AGO1: variants seen among roughly 807,000 people sequenced by gnomAD.
The protein encoded by AGO1 is protein argonaute-1.
Under a neutral mutation model 109.2 loss-of-function variants are expected in AGO1, and 11 were observed. The observed-to-expected ratio is 0.10, with a 90% confidence interval of 0.06 to 0.17. The LOEUF is 0.17. Ranked by LOEUF, AGO1 falls within the 10% of genes least tolerant of loss-of-function variation. The pLI is 1.00. For missense variants in AGO1, 574 were observed against 1,140.3 expected, an observed-to-expected ratio of 0.50 and a Z score of 7.15; for synonymous variants, 422 against 418.6, an observed-to-expected ratio of 1.01 and a Z score of -0.10.
intron 14 of AGO1, 69 bp from the exon 15 acceptor site, chr1:35,915,279 T>G: frequency 6.9e-7 from 1 of 1,451,238 alleles, no homozygotes; most frequent in East Asian, 2.3e-5. Flanking sequence ...AAGAAGCCTT[T>G]CCACAAACCC....
intron 1 of AGO1, among the ~76,000 whole-genome samples, chr1:35,870,714 A>G (rs1644943044): frequency 6.6e-6 from 1 of 152,158 alleles, no homozygotes; most frequent in Non-Finnish European, 1.5e-5. Flanking sequence ...ATCTTTTGAG[A>G]TATTCTGTGT....
chr1:35,922,326 A>T lies in AGO1; in HGVS notation c.*2719A>T, dbSNP rs1645847305. 1 of 152,476 alleles carries T rather than the reference A, an allele frequency of 6.6e-6. No homozygotes were observed. Among genetic ancestry groups the T allele is most frequent in the Admixed American group, 6.5e-5 (1 of 15,290 alleles). 9.4% of individuals were successfully genotyped at this position (152,476 alleles called of 1,614,324 possible). A position where few individuals can be genotyped will look rare whatever the true frequency, so the allele number is the denominator to read the frequency against. On this transcript the variant is annotated 3_prime_UTR_variant, in exon 19 of 19. Transcript: ENST00000373204. The stretch of plus-strand genomic sequence containing the variant: ...TAAAAAGATAATTTTTGAGACTTGA[A>T]AAATACCCCGACCTTGAGATTATTC...
chr1:35,896,342 G>A (rs1354935243), intron 8 of AGO1, among the ~76,000 whole-genome samples: 3 of 151,206 alleles, frequency 2.0e-5, no homozygotes, highest in African/African-American at 4.9e-5. Flanking sequence ...GTACATTAAC[G>A]TTGGAGAAGC....
intron 15 of AGO1, among the ~76,000 whole-genome samples, chr1:35,915,868 C>T (rs1478166107): frequency 6.6e-6 from 1 of 152,108 alleles, no homozygotes; most frequent in Non-Finnish European, 1.5e-5. Flanking sequence ...AGGGCTCTAC[C>T]CTTAGAGTTT....
rs752194420 is a variant in AGO1, at chr1:35,917,736, G to T, written c.2163+9G>T. The T allele has an allele frequency of 6.2e-7, 1 of 1,610,482 alleles. No homozygotes were observed. The highest frequency in any genetic ancestry group is 8.5e-7 in the Non-Finnish European group (1 of 1,177,200). Reference sequence around the variant, plus strand: ...CTGACAAGAATGAGCGAGTGAGTGAGGGACTGAGGCCTCCCATCCCCTCCT... The same window carrying T: ...CTGACAAGAATGAGCGAGTGAGTGATGGACTGAGGCCTCCCATCCCCTCCT... On this transcript the variant is annotated intron_variant, in intron 16 of 18. Transcript: ENST00000373204.
rs1274900715 is a variant in AGO1 at position 35,927,022 on chromosome 1, A to G, written c.*7415A>G. 2 of 136,868 alleles carry G rather than the reference A, an allele frequency of 1.5e-5. No homozygotes were observed. Among genetic ancestry groups the G allele is most frequent in the Non-Finnish European group, 3.1e-5 (2 of 64,488 alleles). 8.5% of individuals were successfully genotyped at this position (136,868 alleles called of 1,614,324 possible). A position where few individuals can be genotyped will look rare whatever the true frequency, so the allele number is the denominator to read the frequency against. ...AGGGAGCCTTTGGTCCTTTGTCCCC[A>G]TTTTCCAAAGGGAGGGAACTTTCCT... On this transcript the variant is annotated 3_prime_UTR_variant, in exon 19 of 19. Transcript: ENST00000373204.
At chr1:35,877,935 C>A (rs933084431) in intron 1 of AGO1, among the ~76,000 whole-genome samples, 2 of 151,950 alleles carry the variant, frequency 1.3e-5, no homozygotes, top group African/African-American at 4.8e-5. Context: ...TCATGATCTG[C>A]CCACCTCGCC....
At chr1:35,899,683 AAG>A (rs1367576420) in intron 8 of AGO1, among the ~76,000 whole-genome samples, 2 of 152,200 alleles carry the variant, frequency 1.3e-5, no homozygotes, top group Non-Finnish European at 2.9e-5. Context: ...ATGGAGTTTG[AAG>A]GCAGGTGACC....
chr1:35,915,016 T>G (rs533621087), intron 14 of AGO1, among the ~76,000 whole-genome samples: 1 of 152,266 alleles, frequency 6.6e-6, no homozygotes, highest in Non-Finnish European at 1.5e-5. Context: ...GATTTAGTAG[T>G]GCTAAACCTT....
chr1:35,905,529 G>A (rs185864857), intron 11 of AGO1, among the ~76,000 whole-genome samples: 23 of 152,014 alleles, frequency 1.5e-4, no homozygotes, highest in East Asian at 7.7e-4. Flanking sequence ...GTGCAGTGGC[G>A]CAATCTCGGC....
In AGO1 at chr1:35,929,051, G is replaced by T. The variant is rs1433687798; in HGVS notation, c.*9444G>T. The T allele has an allele frequency of 1.3e-5, 2 of 152,242 alleles. No homozygotes were observed. The highest frequency in any genetic ancestry group is 4.8e-5 in the African/African-American group (2 of 41,452). The allele number at this position is 152,242 out of a possible 1,614,324, so 9.4% of individuals were successfully genotyped here. A position where few individuals can be genotyped will look rare whatever the true frequency, so the allele number is the denominator to read the frequency against. ...ATATACTGAATGCTGCTATGTGCCA[G>T]GTACTGGCACTGTTCTAGGTACTGG... On this transcript the variant is annotated 3_prime_UTR_variant, in exon 19 of 19. Transcript: ENST00000373204.
intron 3 of AGO1, 98 bp from the exon 4 acceptor site, chr1:35,892,999 T>C: frequency 8.0e-7 from 1 of 1,245,990 alleles, no homozygotes; most frequent in Admixed American, 2.3e-5. Flanking sequence ...TGAGCCCCTA[T>C]CAACTTGAAA....
intron 10 of AGO1, 52 bp from the exon 11 acceptor site, chr1:35,902,152 C>G: frequency 1.3e-6 from 2 of 1,594,896 alleles, no homozygotes; most frequent in South Asian, 1.1e-5. Flanking sequence ...TGCTCCCCTA[C>G]CCACCTGACT....
At chr1:35,916,549 G>A (rs1323960962) in intron 15 of AGO1, among the ~76,000 whole-genome samples, 1 of 152,138 alleles carries the variant, frequency 6.6e-6, no homozygotes, top group African/African-American at 2.4e-5. Context: ...TGTATTTTTA[G>A]TAGAGATGGG....
Position 35,922,464 on chromosome 1 carries a change from G to A in AGO1, c.*2857G>A, listed in dbSNP as rs1645850140. ...ACCCAAGCTTCAAGGAAGTGCTTGG[G>A]GGACCCCCAGCCTCATCCTCTTAGT... is the stretch of plus-strand genomic sequence containing the variant. On this transcript the variant is annotated 3_prime_UTR_variant, in exon 19 of 19. Transcript: ENST00000373204. 1 of 152,306 alleles carries A rather than the reference G, an allele frequency of 6.6e-6. No homozygotes were observed. Among genetic ancestry groups the A allele is most frequent in the Non-Finnish European group, 1.5e-5 (1 of 68,094 alleles). 9.4% of individuals were successfully genotyped at this position (152,306 alleles called of 1,614,324 possible).
chr1:35,909,865 G>A (rs1645601514), intron 12 of AGO1, among the ~76,000 whole-genome samples: 1 of 151,968 alleles, frequency 6.6e-6, no homozygotes, highest in Admixed American at 6.6e-5. Context: ...TGCTTTTTAG[G>A]AGAACTTCCT....
rs750509306 is a variant in AGO1 at position 35,919,483 on chromosome 1, A to AT, written c.2466-10dup. 2.5e-6 allele frequency: 4 copies of AT among 1,606,820 alleles called. No homozygotes were observed. The highest frequency in any genetic ancestry group is 3.4e-6 in the Non-Finnish European group (4 of 1,176,104). The stretch of plus-strand genomic sequence containing the variant: ...CAGTTCACCAGGAAGGACTTCTTTC[A>AT]TTTTTTCCTTTTCAGTGGAGAGGGG... On this transcript the variant is annotated splice_polypyrimidine_tract_variant and intron_variant, in intron 18 of 18. Transcript: ENST00000373204. This position sits in a 1 kb window ranked among gnomAD's most constrained non-coding sequence, Gnocchi z 6.6.
chr1:35,915,587 A>G (rs1571376125), intron 15 of AGO1, 45 bp downstream of exon 15: 1 of 1,564,290 alleles, frequency 6.4e-7, no homozygotes, highest in Non-Finnish European at 8.7e-7. Flanking sequence ...TCATGGCTGG[A>G]AAGCTAGGTG....
At chr1:35,880,431 A>G (rs368870089), upstream of AGO1, among the ~76,000 whole-genome samples, 92 of 152,276 alleles carry the variant, frequency 6.0e-4, no homozygotes, top group African/African-American at 2.1e-3. Flanking sequence ...GCATGGTGGC[A>G]TGCACCTGTA....
Sources: gnomAD v4.1 joint callset for allele counts (sites outside exome capture counted in the v4.1 genomes callset) on GRCh38, gnomAD v4.1.1 for gene constraint, Gnocchi (gnomAD v3.1) non-coding constraint, MANE v1.5 for transcripts, NCBI Gene and HGNC (gene_info 2026-07-23, HGNC 2026-07-21) for gene names.